ACVR1: variants seen among roughly 807,000 people sequenced by gnomAD.
ACVR1 encodes activin receptor type-1.
In ACVR1, 38 loss-of-function variants were observed where a neutral mutation model predicts 57.1. That is an observed-to-expected ratio of 0.67 (90% CI 0.51 to 0.87). The LOEUF (loss-of-function observed/expected upper bound fraction) is 0.87. Ranked by LOEUF, ACVR1 falls within the 40% of genes least tolerant of loss-of-function variation. The pLI is 0.00. For synonymous variants in ACVR1, 212 were observed against 228.1 expected, an observed-to-expected ratio of 0.93 and a Z score of 0.63; for missense variants, 463 against 638.2, an observed-to-expected ratio of 0.73 and a Z score of 2.96.
At chr2:157,774,267 TA>T (rs1686187091) in intron 5 of ACVR1, 80 bp from the exon 6 acceptor site, 6 of 1,147,994 alleles carry the variant, frequency 5.2e-6, no homozygotes, top group Middle Eastern at 1.9e-4. Flanking sequence ...CATGACATTG[TA>T]ACTCACATGA....
intron 3 of ACVR1, among the ~76,000 whole-genome samples, chr2:157,791,823 T>C (rs1041917842): frequency 4.6e-5 from 7 of 152,114 alleles, no homozygotes; most frequent in African/African-American, 1.4e-4. Context: ...TCTGCAAAAC[T>C]GAAATTTGAA....
At chr2:157,802,582 C>A (rs911240608) in intron 2 of ACVR1, among the ~76,000 whole-genome samples, 1 of 152,120 alleles carries the variant, frequency 6.6e-6, no homozygotes, top group East Asian at 1.9e-4. Context: ...ACGTGATGCT[C>A]CCTATGATTG....
chr2:157,860,065 G>C (rs1056348425), intron 1 of ACVR1: 3 of 152,020 alleles, frequency 2.0e-5, no homozygotes, highest in Non-Finnish European at 4.4e-5. Flanking sequence ...CTCATGAGGT[G>C]GGCACAGGCT....
chr2:157,851,681 G>A (rs1559093847), intron 1 of ACVR1, among the ~76,000 whole-genome samples: 1 of 152,082 alleles, frequency 6.6e-6, no homozygotes, highest in Non-Finnish European at 1.5e-5. Flanking sequence ...AAGGCAGAGT[G>A]GGCTCCTAGT....
Position 157,736,589 on chromosome 2 carries a change from G to A in ACVR1, c.*942C>T, listed in dbSNP as rs564435054. The A allele has an allele frequency of 8.6e-5, 26 of 301,074 alleles. No homozygotes were observed. The highest frequency in any genetic ancestry group is 1.8e-3 in the Middle Eastern group (2 of 1,142). 18.7% of individuals were successfully genotyped at this position (301,074 alleles called of 1,614,324 possible). A position where few individuals can be genotyped will look rare whatever the true frequency, so the allele number is the denominator to read the frequency against. On this transcript the variant is annotated 3_prime_UTR_variant, in exon 11 of 11. Transcript: ENST00000434821. Reference sequence around the variant, plus strand: ...GAAGAAAATGCATTTTCCCCGTAGCGTTCAGGACTAAAATTCTACTGAAAT... The same window carrying A: ...GAAGAAAATGCATTTTCCCCGTAGCATTCAGGACTAAAATTCTACTGAAAT...
At chr2:157,785,583 C>T (rs931341750) in intron 3 of ACVR1, among the ~76,000 whole-genome samples, 4 of 152,284 alleles carry the variant, frequency 2.6e-5, no homozygotes, top group African/African-American at 4.8e-5. Context: ...ACAGGCTATA[C>T]ATTCAGGGAT....
At chr2:157,766,297 A>G (rs1685858012) in intron 7 of ACVR1, 101 bp from the exon 8 acceptor site, 1 of 1,232,098 alleles carries the variant, frequency 8.1e-7, no homozygotes, top group Non-Finnish European at 1.2e-6. Context: ...ATCTGTAACA[A>G]AAAGTAATTA....
At chr2:157,753,977 G>A (rs1033029925) in intron 9 of ACVR1, among the ~76,000 whole-genome samples, 2 of 152,142 alleles carry the variant, frequency 1.3e-5, no homozygotes, top group Admixed American at 6.5e-5. Flanking sequence ...CATGCAAATA[G>A]ATGGAAATTA....
At chr2:157,811,034 G>A (rs370109306) in intron 2 of ACVR1, among the ~76,000 whole-genome samples, 4 of 152,090 alleles carry the variant, frequency 2.6e-5, no homozygotes, top group East Asian at 3.8e-4. Context: ...CCAGCAAATC[G>A]GGTGATGCTG....
chr2:157,844,673 T>C (rs997279548), intron 1 of ACVR1, among the ~76,000 whole-genome samples: 3 of 152,118 alleles, frequency 2.0e-5, no homozygotes, highest in South Asian at 2.1e-4. Flanking sequence ...CTGCTAGGAA[T>C]TGAGGGTTTC....
intron 9 of ACVR1, among the ~76,000 whole-genome samples, chr2:157,744,940 T>C (rs900495241): frequency 6.6e-6 from 1 of 152,186 alleles, no homozygotes; most frequent in Admixed American, 6.5e-5. Flanking sequence ...AAACAGGAGT[T>C]GGAAAGACAG....
At chr2:157,817,464 A>G (rs1687980162) in intron 2 of ACVR1, among the ~76,000 whole-genome samples, 1 of 152,174 alleles carries the variant, frequency 6.6e-6, no homozygotes, top group Non-Finnish European at 1.5e-5. Flanking sequence ...GATGCATGTC[A>G]TTACTCATTT....
At chr2:157,846,094 G>C (rs186283509) in intron 1 of ACVR1, among the ~76,000 whole-genome samples, 217 of 151,554 alleles carry the variant, frequency 1.4e-3, no homozygotes, top group Non-Finnish European at 2.4e-3. Flanking sequence ...GAGATGAGGC[G>C]ATTATCCTGG....
chr2:157,772,980 T>C (rs1205504304), intron 6 of ACVR1, among the ~76,000 whole-genome samples: 2 of 152,086 alleles, frequency 1.3e-5, no homozygotes, highest in Non-Finnish European at 2.9e-5. Flanking sequence ...TGTCCCTCTT[T>C]CCATGAAAAC....
intron 8 of ACVR1, among the ~76,000 whole-genome samples, chr2:157,762,901 A>C (rs927748835): frequency 6.6e-6 from 1 of 152,186 alleles, no homozygotes; most frequent in African/African-American, 2.4e-5. Context: ...GCTCTGGTTG[A>C]GCGTTCAGAT....
chr2:157,787,909 T>C (rs1686771901), intron 3 of ACVR1, among the ~76,000 whole-genome samples: 2 of 152,142 alleles, frequency 1.3e-5, no homozygotes, highest in African/African-American at 4.8e-5. Context: ...CCTCTCTCTC[T>C]GGGATTCATG....
chr2:157,764,989 C>T (rs1685808778), intron 8 of ACVR1, among the ~76,000 whole-genome samples: 1 of 152,134 alleles, frequency 6.6e-6, no homozygotes, highest in African/African-American at 2.4e-5. Flanking sequence ...ATAACTAAAG[C>T]TATTTTTGTC....
rs1207877590 is a variant in ACVR1, at chr2:157,774,273, A to G, written c.544-86T>C. 5.5e-6 allele frequency: 6 copies of G among 1,088,948 alleles called. No homozygotes were observed. The Admixed American group carries it at 1.0e-4, about 19-fold the overall frequency. The allele number at this position is 1,088,948 out of a possible 1,614,324, so 67.5% of individuals were successfully genotyped here. On this transcript the variant is annotated intron_variant, in intron 5 of 10. Transcript: ENST00000434821. ...ATTAGCATGCATGACATTGTAACTC[A>G]CATGAAGGGCAGCAATCCGGGACAC...
chr2:157,814,002 G>A (rs928479843), intron 2 of ACVR1, among the ~76,000 whole-genome samples: 20 of 152,204 alleles, frequency 1.3e-4, no homozygotes, highest in Non-Finnish European at 1.5e-4. Flanking sequence ...TTCCTCCAAT[G>A]TAAGTAAGAA....
Sources: gnomAD v4.1 joint callset for allele counts (sites outside exome capture counted in the v4.1 genomes callset) on GRCh38, gnomAD v4.1.1 for gene constraint, MANE v1.5 for transcripts, NCBI Gene and HGNC (gene_info 2026-07-23, HGNC 2026-07-21) for gene names.